Variants in CAMKMT observed in about 807,000 individuals in gnomAD.
CAMKMT encodes CaM KMT.
In CAMKMT, 53 loss-of-function variants were observed where a neutral mutation model predicts 48.0. The observed-to-expected ratio is 1.10, with a 90% confidence interval of 0.89 to 1.39. CAMKMT has a LOEUF of 1.39. Ranked by LOEUF, CAMKMT falls within the 40% of genes most tolerant of loss-of-function variation. The pLI is 0.00. For synonymous variants in CAMKMT, 165 were observed against 152.3 expected (o/e 1.08, Z -0.61); for missense variants, 428 against 402.7 (o/e 1.06, Z -0.54).
At chr2:44,574,205 C>T (rs947010942) in intron 3 of CAMKMT, among the ~76,000 whole-genome samples, 2 of 152,148 alleles carry the variant, frequency 1.3e-5, no homozygotes, top group African/African-American at 4.8e-5. Context: ...CACTCAGAGC[C>T]ACATGGGGAA....
At chr2:44,507,407 A>T (rs565902003) in intron 3 of CAMKMT, among the ~76,000 whole-genome samples, 37 of 152,298 alleles carry the variant, frequency 2.4e-4, no homozygotes, top group African/African-American at 7.0e-4. Flanking sequence ...GCATCATGGA[A>T]CACATCACAT....
At chr2:44,466,186 A>G (rs1234426877) in intron 3 of CAMKMT, among the ~76,000 whole-genome samples, 2 of 152,218 alleles carry the variant, frequency 1.3e-5, no homozygotes, top group East Asian at 3.8e-4. Context: ...TGGATCTAAC[A>G]GATATACAGA....
At position 44,735,897 on chromosome 2, in the gene CAMKMT, CAAACAAAACAAAACAAAACA is replaced by C. The variant is rs57656418; in HGVS notation, c.624-7700_624-7681del. Among the ~76,000 whole-genome samples the C allele has an allele frequency of 6.0e-5, 9 of 149,816 alleles. 1 individual carries two copies. The highest frequency in any genetic ancestry group is 1.7e-4 in the African/African-American group (7 of 40,434). On this transcript the variant is annotated intron_variant, in intron 7 of 10. Transcript: ENST00000378494. Reference sequence around the variant, plus strand: ...TACTGTACTCGAGCCTGCTCTGTCTCAAACAAAACAAAACAAAACAAAACAAAACAAAACAAAACAAAACC... The same window carrying C: ...TACTGTACTCGAGCCTGCTCTGTCTCAAACAAAACAAAACAAAACAAAACC...
At chr2:44,505,272 A>T (rs915917965) in intron 3 of CAMKMT, among the ~76,000 whole-genome samples, 8 of 152,102 alleles carry the variant, frequency 5.3e-5, no homozygotes, top group Non-Finnish European at 1.0e-4. Context: ...AGAATTTGTA[A>T]ATATATTCTA....
intron 3 of CAMKMT, among the ~76,000 whole-genome samples, chr2:44,585,985 A>G (rs956576945): frequency 1.3e-5 from 2 of 152,240 alleles, no homozygotes; most frequent in African/African-American, 2.4e-5. Context: ...ACTACAGGGA[A>G]GCTAGAGGGT....
At chr2:44,563,747 A>G (rs531611172) in intron 3 of CAMKMT, among the ~76,000 whole-genome samples, 1 of 152,042 alleles carries the variant, frequency 6.6e-6, no homozygotes, top group Non-Finnish European at 1.5e-5. Flanking sequence ...CTTTGGCGAT[A>G]GTTTGCTCAG....
chr2:44,551,185 C>T (rs577004330), intron 3 of CAMKMT, among the ~76,000 whole-genome samples: 4 of 152,122 alleles, frequency 2.6e-5, no homozygotes, highest in African/African-American at 7.2e-5. Context: ...GATCTTTATT[C>T]TCTCAGATTG....
intron 3 of CAMKMT, among the ~76,000 whole-genome samples, chr2:44,690,083 G>T (rs1411325381): frequency 1.3e-5 from 2 of 152,206 alleles, no homozygotes; most frequent in African/African-American, 4.8e-5. Flanking sequence ...GACATGTAAT[G>T]AAGATTTAAC....
chr2:44,638,036 C>A (rs1270065319), intron 3 of CAMKMT, among the ~76,000 whole-genome samples: 1 of 139,334 alleles, frequency 7.2e-6, no homozygotes, highest in Non-Finnish European at 1.5e-5. Context: ...GCCTGGGCGA[C>A]CGAGCGAGAC....
intron 2 of CAMKMT, among the ~76,000 whole-genome samples, chr2:44,384,336 T>C (rs971549756): frequency 6.6e-6 from 1 of 152,148 alleles, no homozygotes; most frequent in Non-Finnish European, 1.5e-5. Context: ...TGTTTTTTTC[T>C]TACTGATTCG....
chr2:44,596,158 C>T (rs1170777771), intron 3 of CAMKMT, among the ~76,000 whole-genome samples: 5 of 151,440 alleles, frequency 3.3e-5, no homozygotes, highest in Non-Finnish European at 7.4e-5. Flanking sequence ...AAGAAAAAGA[C>T]GAATTCTTGG....
chr2:44,634,653 G>A (rs4953122), intron 3 of CAMKMT, among the ~76,000 whole-genome samples: 95,641 of 151,722 alleles, frequency 0.63, 30,690 homozygotes, highest in Admixed American at 0.7. Context: ...CTCACAGTCT[G>A]TTAGAGAGGA....
chr2:44,466,000 A>G (rs956142012), intron 3 of CAMKMT, among the ~76,000 whole-genome samples: 4 of 152,248 alleles, frequency 2.6e-5, no homozygotes, highest in Non-Finnish European at 4.4e-5. Flanking sequence ...CTAAATATAT[A>G]TGCATCTAAC....
rs1182949939 is a variant in CAMKMT, at chr2:44,638,328, T to C, written c.377-65955T>C. Among the ~76,000 whole-genome samples, 18 of 152,148 alleles carry C rather than the reference T, an allele frequency of 1.2e-4. No homozygotes were observed. The East Asian group carries it at 3.5e-3, about 29-fold the overall frequency. On this transcript the variant is annotated intron_variant, in intron 3 of 10. Transcript: ENST00000378494. ...AATAGGGTGTTTTTTTCCCAAGATC[T>C]GAAGAGAATACACAGAGATTCCCCC...
rs565637464 is a variant in CAMKMT, at chr2:44,693,680, C to G, written c.377-10603C>G. ...TGTGGATTTCTGCACTGGGTTGACA[C>G]ATCAGTGACAAAGCAGAAATGTGAG... On this transcript the variant is annotated intron_variant, in intron 3 of 10. Transcript: ENST00000378494. 5.3e-5 allele frequency among the ~76,000 whole-genome samples: 8 copies of G among 152,328 alleles called. No homozygotes were observed. The East Asian group carries it at 1.5e-3, about 29-fold the overall frequency.
rs1674187381 is a variant in CAMKMT at position 44,653,174 on chromosome 2, C to G, written c.377-51109C>G. 6.6e-6 allele frequency among the ~76,000 whole-genome samples: 1 copy of G among 152,034 alleles called. No homozygotes were observed. The highest frequency in any genetic ancestry group is 1.5e-5 in the Non-Finnish European group (1 of 68,008). ...TCATAAGAGTCTTTTTTTATTATTT[C>G]TCACTTCACTAGCTCGTGAGCTCCT... On this transcript the variant is annotated intron_variant, in intron 3 of 10. Transcript: ENST00000378494. This position sits in a 1 kb window ranked among gnomAD's most constrained non-coding sequence, Gnocchi z 5.2.
chr2:44,684,896 T>C (rs1676249416), intron 3 of CAMKMT, among the ~76,000 whole-genome samples: 1 of 152,084 alleles, frequency 6.6e-6, no homozygotes, highest in African/African-American at 2.4e-5. Flanking sequence ...TGACCTGTGA[T>C]TGCATTTGTA....
At chr2:44,599,760 A>C in intron 3 of CAMKMT, among the ~76,000 whole-genome samples, 1 of 151,836 alleles carries the variant, frequency 6.6e-6, no homozygotes, top group Non-Finnish European at 1.5e-5. Flanking sequence ...CTAATAACCA[A>C]GCCTGGATTG....
intron 3 of CAMKMT, among the ~76,000 whole-genome samples, chr2:44,660,385 G>C (rs1211710207): frequency 2.0e-5 from 3 of 152,172 alleles, no homozygotes; most frequent in Admixed American, 1.3e-4. Flanking sequence ...CCAGGGTCTG[G>C]ACTACACTTT....
Sources: allele counts gnomAD v4.1 joint callset (sites outside exome capture counted in the v4.1 genomes callset), GRCh38; gene constraint gnomAD v4.1.1; non-coding constraint Gnocchi (gnomAD v3.1); transcripts MANE v1.5; gene names NCBI Gene and HGNC (gene_info 2026-07-23, HGNC 2026-07-21).